The following ZNF723 variants were observed in gnomAD, a reference collection of about 807,000 sequenced individuals.
ZNF723 encodes zinc finger protein 723.
Under a neutral mutation model 9.4 loss-of-function variants are expected in ZNF723, and 5 were observed. That is an observed-to-expected ratio of 0.53 (90% CI 0.28 to 1.12). The LOEUF is 1.12. Ranked by LOEUF, ZNF723 falls within the 50% of genes most tolerant of loss-of-function variation. The pLI is 0.10. For synonymous variants in ZNF723, 158 were observed against 168.8 expected, an observed-to-expected ratio of 0.94 and a Z score of 0.49; for missense variants, 450 against 501.5, an observed-to-expected ratio of 0.90 and a Z score of 0.98.
At chr19:22,853,607 C>A (rs574109617) in intron 3 of ZNF723, among the ~76,000 whole-genome samples, 362 of 151,962 alleles carry the variant, frequency 2.4e-3, no homozygotes, top group African/African-American at 8.4e-3. Context: ...CAAGGAGAAT[C>A]TTGTAAGATC....
chr19:22,826,032 A>G, the ZNF723 span, among the ~76,000 whole-genome samples: 1 of 152,184 alleles, frequency 6.6e-6, no homozygotes, highest in East Asian at 1.9e-4. Flanking sequence ...TTCATCACCT[A>G]GATGATGTGA....
At chr19:22,818,649 A>G in the ZNF723 span, among the ~76,000 whole-genome samples, 9 of 152,288 alleles carry the variant, frequency 5.9e-5, no homozygotes, top group African/African-American at 2.2e-4. Context: ...TGCAGGTGTA[A>G]TTGTGGCATA....
the ZNF723 span, among the ~76,000 whole-genome samples, chr19:22,826,779 T>C: frequency 1.1e-4 from 16 of 152,128 alleles, no homozygotes; most frequent in African/African-American, 1.9e-4. Context: ...ACAACAGAAA[T>C]AAAAAAGGTA....
chr19:22,837,027 T>C (rs1159715112), intron 1 of ZNF723, among the ~76,000 whole-genome samples: 1 of 152,080 alleles, frequency 6.6e-6, no homozygotes, highest in Non-Finnish European at 1.5e-5. Context: ...GCACGATTAC[T>C]CATGCCTGTA....
rs1235106579 is a variant in ZNF723, at chr19:22,858,317, G to C, written c.1426G>C (p.Ala476Pro). 1 of 1,122,366 alleles carries C rather than the reference G, an allele frequency of 8.9e-7. No individual in the cohort carries two copies. Among genetic ancestry groups the C allele is most frequent in the Non-Finnish European group, 1.3e-6 (1 of 746,686 alleles). The allele number at this position is 1,122,366 out of a possible 1,614,324, so 69.5% of individuals were successfully genotyped here. ...CCTTAATAAACATAAGATAATTCAT[G>C]CTAGAGAGAAGCCTTACAAATGTGA... ...STLNKHKIIH[A>P]REKPYKCEEC... is the part of the protein sequence containing the mutation. The change falls in exon 4 of 4, where the codon GCT becomes CCT. Residue 476 changes from alanine to proline, a missense_variant. Ala to Pro is a conservative substitution (Grantham distance 27). Coordinates refer to ENST00000600766, the MANE Select transcript of ZNF723 (RefSeq NM_001349726.2).
intron 1 of ZNF723, among the ~76,000 whole-genome samples, chr19:22,835,787 T>C (rs902888727): frequency 6.6e-6 from 1 of 152,232 alleles, no homozygotes; most frequent in Admixed American, 6.5e-5. Context: ...AGTGAATATT[T>C]TTGTTCTATA....
At chr19:22,817,631 G>C in the ZNF723 span, among the ~76,000 whole-genome samples, 2 of 152,034 alleles carry the variant, frequency 1.3e-5, no homozygotes, top group Non-Finnish European at 1.5e-5. Context: ...AAACCAAAGT[G>C]ATGAAACTTT....
the ZNF723 span, among the ~76,000 whole-genome samples, chr19:22,817,939 C>T: frequency 6.6e-6 from 1 of 151,922 alleles, no homozygotes; most frequent in Non-Finnish European, 1.5e-5. Context: ...AGGATTGATA[C>T]TCTCATGAAT....
chr19:22,824,890 T>C, the ZNF723 span, among the ~76,000 whole-genome samples: 4 of 152,040 alleles, frequency 2.6e-5, no homozygotes, highest in Non-Finnish European at 5.9e-5. Context: ...TAGAGAGAGG[T>C]TGACTCTAAT....
intron 3 of ZNF723, among the ~76,000 whole-genome samples, chr19:22,851,472 T>G (rs977339157): frequency 2.4e-4 from 36 of 151,902 alleles, no homozygotes; most frequent in African/African-American, 8.2e-4. Flanking sequence ...GCGCCCAGCC[T>G]ATATACATTT....
At chr19:22,854,406 G>T (rs1170295866) in intron 3 of ZNF723, among the ~76,000 whole-genome samples, 3 of 151,886 alleles carry the variant, frequency 2.0e-5, no homozygotes, top group Non-Finnish European at 4.4e-5. Context: ...GCTGACTCTT[G>T]CAGGAAAGTA....
chr19:22,829,733 GT>G (rs1026119271), upstream of ZNF723, among the ~76,000 whole-genome samples: 2 of 100,882 alleles, frequency 2.0e-5, no homozygotes, highest in African/African-American at 5.0e-5. Flanking sequence ...TTTTTGATAG[GT>G]TTTTTTTCAT....
rs535157706 is a variant in ZNF723, at chr19:22,840,504, C to T, written c.4-7757C>T. 1.6e-4 allele frequency: 24 copies of T among 152,176 alleles called. No homozygotes were observed. In the Middle Eastern group the frequency reaches 0.014, roughly 86 times the overall value. 9.4% of individuals were successfully genotyped at this position (152,176 alleles called of 1,614,324 possible). ...TTCTTTATAACGCTCATGTTTCTCA[C>T]GCTGAGAATAGTTGTGCACTTTGGG... On this transcript the variant is annotated intron_variant, in intron 1 of 3. Transcript: ENST00000600766.
intron 3 of ZNF723, among the ~76,000 whole-genome samples, chr19:22,854,660 T>C (rs1967447788): frequency 6.6e-6 from 1 of 152,208 alleles, no homozygotes; most frequent in Non-Finnish European, 1.5e-5. Flanking sequence ...TCTAAACATA[T>C]ATTCTTTGTG....
rs73924709 is a variant in ZNF723 at position 22,844,005 on chromosome 19, T to C, written c.4-4256T>C. On this transcript the variant is annotated intron_variant, in intron 1 of 3. Coordinates refer to ENST00000600766, the MANE Select transcript of ZNF723 (RefSeq NM_001349726.2). ...ACTCCCTGCCCCAGTTCTGTTCAGA[T>C]TCACTCTATTTGGGGTCTTGTTTAG... Among the ~76,000 whole-genome samples the C allele has an allele frequency of 8.6e-3, 1,311 of 152,290 alleles. 18 individuals are homozygous for C. Among genetic ancestry groups the C allele is most frequent in the African/African-American group, 0.03 (1,251 of 41,558 alleles).
chr19:22,849,763 G>T (rs1050989161), intron 3 of ZNF723, among the ~76,000 whole-genome samples: 5 of 152,044 alleles, frequency 3.3e-5, no homozygotes, highest in African/African-American at 1.2e-4. Flanking sequence ...ACAAAAATTT[G>T]TTGCTCGTGG....
Position 22,848,404 on chromosome 19 carries a change from T to C in ZNF723, c.130+17T>C. ...TCTTCCTGGGTGAGAATAACTTCAA[T>C]ACACAATCCTCAGATACTGTAAATG... On this transcript the variant is annotated intron_variant, in intron 2 of 3. Coordinates refer to ENST00000600766, the MANE Select transcript of ZNF723 (RefSeq NM_001349726.2). The C allele has an allele frequency of 7.4e-7, 1 of 1,354,424 alleles. No individual in the cohort carries two copies. Among genetic ancestry groups the C allele is most frequent in the East Asian group, 2.4e-5 (1 of 42,056 alleles). 83.9% of individuals were successfully genotyped at this position (1,354,424 alleles called of 1,614,324 possible).
upstream of ZNF723, among the ~76,000 whole-genome samples, chr19:22,830,791 C>A (rs888744065): frequency 3.9e-5 from 6 of 152,152 alleles, no homozygotes; most frequent in Middle Eastern, 3.4e-3. Flanking sequence ...GAGATGGAGT[C>A]TCATTCTGTC....
chr19:22,824,355 A>G, the ZNF723 span, among the ~76,000 whole-genome samples: 1 of 152,002 alleles, frequency 6.6e-6, no homozygotes, highest in South Asian at 2.1e-4. Context: ...GATCCTGCTC[A>G]TAGTGCAGAT....
Sources: gnomAD v4.1 joint callset for allele counts (sites outside exome capture counted in the v4.1 genomes callset) on GRCh38, gnomAD v4.1.1 for gene constraint, MANE v1.5 for transcripts, NCBI Gene and HGNC (gene_info 2026-07-23, HGNC 2026-07-21) for gene names.